PDLIM5: variants seen among roughly 807,000 people sequenced by gnomAD.
The protein encoded by PDLIM5 is PDZ and LIM domain protein 5.
A neutral mutation model predicts 64.2 loss-of-function variants in PDLIM5; 34 were observed. That is an observed-to-expected ratio of 0.53 (90% CI 0.40 to 0.71). The LOEUF (loss-of-function observed/expected upper bound fraction) is 0.71, where lower values mean the gene tolerates loss of function less well. PDLIM5 is among the 30% of genes least tolerant of loss of function. The pLI is 0.00. For synonymous variants in PDLIM5, 253 were observed against 269.1 expected (o/e 0.94, Z 0.59); for missense variants, 683 against 733.6 (o/e 0.93, Z 0.80).
At chr4:94,485,166 C>G (rs908635343) in intron 2 of PDLIM5, among the ~76,000 whole-genome samples, 10 of 152,158 alleles carry the variant, frequency 6.6e-5, no homozygotes, top group Non-Finnish European at 1.2e-4. Context: ...TAATGGATAT[C>G]TGTTACTTCT....
At chr4:94,472,187 C>T (rs1187681419) in intron 2 of PDLIM5, among the ~76,000 whole-genome samples, 2 of 151,982 alleles carry the variant, frequency 1.3e-5, no homozygotes, top group Admixed American at 1.3e-4. Flanking sequence ...CGCACACGCA[C>T]CCTGTAGGTT....
chr4:94,508,844 A>G (rs1488800620), intron 2 of PDLIM5, among the ~76,000 whole-genome samples: 2 of 152,164 alleles, frequency 1.3e-5, no homozygotes, highest in African/African-American at 4.8e-5. Context: ...CAGCCTTGCT[A>G]TCCTTGACTC....
chr4:94,582,181 G>A (rs1055555969), intron 5 of PDLIM5, among the ~76,000 whole-genome samples: 26 of 152,122 alleles, frequency 1.7e-4, no homozygotes, highest in Admixed American at 1.4e-3. Context: ...GTGAGAAATT[G>A]TACTTGCTAT....
chr4:94,496,978 G>A (rs1479272763), intron 2 of PDLIM5, among the ~76,000 whole-genome samples: 5 of 152,096 alleles, frequency 3.3e-5, no homozygotes, highest in African/African-American at 1.2e-4. Context: ...TTTTATTGAT[G>A]GTAGTGCATA....
In PDLIM5 at chr4:94,564,656, C is replaced by CTTTTTTTT. The variant is rs768721210; in HGVS notation, c.249-8683_249-8676dup. Among the ~76,000 whole-genome samples, 152 of 104,482 alleles carry CTTTTTTTT rather than the reference C, an allele frequency of 1.5e-3. 9 individuals carry two copies. The highest frequency in any genetic ancestry group is 2.0e-3 in the Non-Finnish European group (111 of 55,640). The allele number at this position is 104,482 out of a possible 152,430, so 68.5% of individuals were successfully genotyped here. On this transcript the variant is annotated intron_variant, in intron 3 of 12. Coordinates refer to ENST00000317968, the MANE Select transcript of PDLIM5 (RefSeq NM_006457.5). ...CACCTTCAAAGGAGGAATTTTGTCT[C>CTTTTTTTT]TTTTTTTTTTTTTTTTTTTGACAGA...
intron 7 of PDLIM5, among the ~76,000 whole-genome samples, chr4:94,607,889 G>A (rs969199448): frequency 6.6e-6 from 1 of 152,204 alleles, no homozygotes; most frequent in African/African-American, 2.4e-5. Flanking sequence ...TGTGGTGGCA[G>A]AAGTGTTGGG....
chr4:94,501,452 G>C (rs1386710324), intron 2 of PDLIM5, among the ~76,000 whole-genome samples: 1 of 152,112 alleles, frequency 6.6e-6, no homozygotes, highest in African/African-American at 2.4e-5. Flanking sequence ...TCAAAGTGCT[G>C]CCTGTGGATT....
At chr4:94,543,725 A>G (rs1250299885) in intron 3 of PDLIM5, among the ~76,000 whole-genome samples, 1 of 151,606 alleles carries the variant, frequency 6.6e-6, no homozygotes, top group Admixed American at 6.6e-5. Flanking sequence ...AGGTTCATAC[A>G]TGTTTTCACA....
intron 2 of PDLIM5, among the ~76,000 whole-genome samples, chr4:94,522,753 A>G (rs762918286): frequency 6.6e-6 from 1 of 151,702 alleles, no homozygotes; most frequent in South Asian, 2.1e-4. Context: ...ACAAACAGAA[A>G]CTCTGTATAA....
chr4:94,538,365 C>G (rs544197802), intron 3 of PDLIM5, among the ~76,000 whole-genome samples: 2 of 152,252 alleles, frequency 1.3e-5, no homozygotes, highest in South Asian at 4.1e-4. Flanking sequence ...CAGCAGAGCC[C>G]TTTATCTTTA....
intron 2 of PDLIM5, chr4:94,457,151 C>T: frequency 1.0e-6 from 1 of 959,202 alleles, no homozygotes; most frequent in Non-Finnish European, 1.2e-6. Context: ...GTTTGTAACG[C>T]CTAAATATCC....
At chr4:94,659,977 AC>A in intron 11 of PDLIM5, among the ~76,000 whole-genome samples, 1 of 150,418 alleles carries the variant, frequency 6.6e-6, no homozygotes, top group Non-Finnish European at 1.5e-5. Context: ...GCTCACCGTA[AC>A]CTCCACCTCC....
At chr4:94,490,149 G>A (rs2126118001) in intron 2 of PDLIM5, among the ~76,000 whole-genome samples, 1 of 151,674 alleles carries the variant, frequency 6.6e-6, no homozygotes, top group South Asian at 2.1e-4. Flanking sequence ...ATCTTATTGA[G>A]TGTAATAATT....
intron 2 of PDLIM5, among the ~76,000 whole-genome samples, chr4:94,488,791 G>A (rs1726582938): frequency 6.6e-6 from 1 of 152,170 alleles, no homozygotes; most frequent in African/African-American, 2.4e-5. Context: ...TTGAGCATGT[G>A]TTTTACATTC....
At chr4:94,462,221 TA>T (rs1723959401) in intron 2 of PDLIM5, among the ~76,000 whole-genome samples, 1 of 152,188 alleles carries the variant, frequency 6.6e-6, no homozygotes, top group African/African-American at 2.4e-5. Context: ...CACGAGCGTA[TA>T]GGGGGAAATG....
At chr4:94,623,125 C>T (rs940001906) in intron 8 of PDLIM5, among the ~76,000 whole-genome samples, 1 of 152,160 alleles carries the variant, frequency 6.6e-6, no homozygotes, top group Non-Finnish European at 1.5e-5. Context: ...TAATAACTTA[C>T]ATTGTTACTG....
At chr4:94,530,015 ATTAGAACTGGTT>A (rs1730717235) in intron 3 of PDLIM5, among the ~76,000 whole-genome samples, 1 of 152,182 alleles carries the variant, frequency 6.6e-6, no homozygotes, top group East Asian at 1.9e-4. Context: ...TATTAACTGT[ATTAGAACTGGTT>A]TCTATGAAAA....
At chr4:94,640,234 T>A (rs772105024) in intron 8 of PDLIM5, 42 bp from the exon 9 acceptor site, 4 of 1,077,258 alleles carry the variant, frequency 3.7e-6, no homozygotes, top group Non-Finnish European at 2.7e-6. Flanking sequence ...AAGGTTTATA[T>A]GTGGCTTATT....
chr4:94,615,272 T>C lies in PDLIM5; in HGVS notation c.921-2732T>C, dbSNP rs543409473. Among the ~76,000 whole-genome samples the C allele has an allele frequency of 2.0e-5, 3 of 152,282 alleles. No homozygotes were observed. The South Asian group carries it at 6.2e-4, about 32-fold the overall frequency. ...AGATGCATAAAGAAGTGACTATTAA[T>C]AGTAATTTTAAAACAGCTATTACAA... On this transcript the variant is annotated intron_variant, in intron 7 of 12. Coordinates refer to ENST00000317968, the MANE Select transcript of PDLIM5 (RefSeq NM_006457.5).
Sources: allele counts gnomAD v4.1 joint callset (sites outside exome capture counted in the v4.1 genomes callset), GRCh38; gene constraint gnomAD v4.1.1; transcripts MANE v1.5; gene names NCBI Gene and HGNC (gene_info 2026-07-23, HGNC 2026-07-21).